The following ADGRL4 variants were observed in gnomAD, a reference collection of about 807,000 sequenced individuals.
ADGRL4 encodes the protein adhesion G protein-coupled receptor L4, also known as EGF, latrophilin and seven transmembrane domain containing 1.
In ADGRL4, 90 loss-of-function variants were observed where a neutral mutation model predicts 74.8. That is an observed-to-expected ratio of 1.20 (90% CI 1.02 to 1.43). The LOEUF (loss-of-function observed/expected upper bound fraction) is 1.43, where lower values mean the gene tolerates loss of function less well. Ranked by LOEUF, ADGRL4 falls within the 40% of genes most tolerant of loss-of-function variation. The pLI is 0.00. For missense variants in ADGRL4, 881 were observed against 814.3 expected (o/e 1.08, Z -1.00); for synonymous variants, 311 against 279.2 (o/e 1.11, Z -1.14).
intron 3 of ADGRL4, among the ~76,000 whole-genome samples, chr1:78,941,938 G>A (rs992551084): frequency 5.9e-5 from 9 of 151,842 alleles, no homozygotes; most frequent in African/African-American, 1.2e-4. Flanking sequence ...AGTGGCTTTC[G>A]CCTGTAATCC....
intron 3 of ADGRL4, among the ~76,000 whole-genome samples, chr1:78,939,495 TA>T (rs954512569): frequency 8.6e-5 from 13 of 151,816 alleles, no homozygotes; most frequent in East Asian, 5.8e-4. Context: ...TTGATTAAAT[TA>T]AAAAAAATAG....
intron 3 of ADGRL4, among the ~76,000 whole-genome samples, chr1:78,945,847 T>C (rs754446596): frequency 5.9e-5 from 9 of 152,180 alleles, no homozygotes; most frequent in Admixed American, 3.9e-4. Flanking sequence ...ATTTTATAAA[T>C]GATGATTGTC....
chr1:78,894,493 C>T (rs937110347), intron 12 of ADGRL4, among the ~76,000 whole-genome samples: 16 of 151,660 alleles, frequency 1.1e-4, no homozygotes, highest in Admixed American at 9.9e-4. Context: ...GTTCCATCCT[C>T]TTTGTATGCT....
At chr1:78,954,222 G>A (rs1649785289) in intron 2 of ADGRL4, among the ~76,000 whole-genome samples, 1 of 152,024 alleles carries the variant, frequency 6.6e-6, no homozygotes, top group African/African-American at 2.4e-5. Flanking sequence ...CTTTAGTTAG[G>A]GTGAGGGTGG....
intron 2 of ADGRL4, 58 bp downstream of exon 2, chr1:79,005,012 G>A: frequency 2.0e-6 from 3 of 1,494,076 alleles, no homozygotes; most frequent in Non-Finnish European, 2.7e-6. Flanking sequence ...CAGAAAAGCA[G>A]TCCCATCAGA....
At chr1:78,988,863 A>T (rs1489403) in intron 2 of ADGRL4, among the ~76,000 whole-genome samples, 106,296 of 151,592 alleles carry the variant, frequency 0.7, 37,295 homozygotes, top group East Asian at 0.77. Flanking sequence ...TGCAAAATGA[A>T]TTTTCTTCCA....
rs1235150699 is a variant in ADGRL4 at position 78,937,961 on chromosome 1, A to G, written c.606T>C (p.Val202=). ...TEFVKTVNNF[V]QRDTFVVWDK... is the part of the protein sequence containing the mutation. ...CCCAAACTACAAATGTATCCCTTTG[A>G]ACAAAATTATTCACGGTTTTTACAA... The change falls in exon 6 of 15, where the codon GTT becomes GTC. Residue 202 remains valine, a synonymous_variant. Transcript: ENST00000370742. The G allele has an allele frequency of 6.2e-7, 1 of 1,611,376 alleles. No individual in the cohort carries two copies. The highest frequency in any genetic ancestry group is 1.7e-5 in the Admixed American group (1 of 59,352).
chr1:78,993,763 C>T (rs150790139), intron 2 of ADGRL4, among the ~76,000 whole-genome samples: 115 of 151,784 alleles, frequency 7.6e-4, no homozygotes, highest in Non-Finnish European at 1.1e-3. Context: ...TTAGTAGAGA[C>T]GGGGTTTCAC....
intron 2 of ADGRL4, among the ~76,000 whole-genome samples, chr1:79,000,778 C>T (rs550120046): frequency 1.1e-4 from 17 of 152,222 alleles, no homozygotes; most frequent in Middle Eastern, 3.4e-3. Context: ...TTAATTTAGA[C>T]TATAATCTCT....
intron 3 of ADGRL4, among the ~76,000 whole-genome samples, chr1:78,941,513 T>C (rs1318009780): frequency 6.6e-6 from 1 of 152,178 alleles, no homozygotes; most frequent in Admixed American, 6.5e-5. Flanking sequence ...AGATGCCTTC[T>C]ATAGGTAACA....
Position 78,909,209 on chromosome 1 carries a change from A to G in ADGRL4, c.1749+8425T>C, listed in dbSNP as rs138447272. Among the ~76,000 whole-genome samples, 80 of 152,138 alleles carry G rather than the reference A, an allele frequency of 5.3e-4. 1 individual carries two copies. The highest frequency in any genetic ancestry group is 1.9e-3 in the African/African-American group (79 of 41,554). ...GATGCCATTATCCATAACATTTAAA[A>G]TTACAATGAGTAGTGTTTCTAATAT... is the stretch of plus-strand genomic sequence containing the variant. On this transcript the variant is annotated intron_variant, in intron 12 of 14. Transcript: ENST00000370742.
intron 2 of ADGRL4, among the ~76,000 whole-genome samples, chr1:78,987,701 T>C (rs1650526356): frequency 6.6e-6 from 1 of 151,742 alleles, no homozygotes; most frequent in Non-Finnish European, 1.5e-5. Context: ...CTGGCAAATA[T>C]TCTTGATTAA....
chr1:78,946,292 C>T lies in ADGRL4; in HGVS notation c.307G>A (p.Asp103Asn). The T allele has an allele frequency of 6.2e-7, 1 of 1,611,898 alleles. No individual in the cohort carries two copies. Among genetic ancestry groups the T allele is most frequent in the South Asian group, 1.1e-5 (1 of 90,664 alleles). The change falls in exon 3 of 15, where the codon GAT becomes AAT. Residue 103 changes from aspartate to asparagine, a missense_variant. Coordinates refer to ENST00000370742, the MANE Select transcript of ADGRL4 (RefSeq NM_022159.4). Reference protein sequence around the residue: ...SSNQDRFITNDGTVCIENVNA... With the variant: ...SSNQDRFITNNGTVCIENVNA... ...AACTTACCTATACAGACGGTTCCAT[C>T]ATTAGTGATAAACCTGTCTTGGTTA...
chr1:79,003,243 A>G lies in ADGRL4; in HGVS notation c.172+1827T>C, dbSNP rs143722681. The stretch of plus-strand genomic sequence containing the variant: ...ATACAGTGTTTTAATTCTAAAGAGC[A>G]TATTAACTATCCTGACTAAAAAAAG... On this transcript the variant is annotated intron_variant, in intron 2 of 14. Coordinates refer to ENST00000370742, the MANE Select transcript of ADGRL4 (RefSeq NM_022159.4). Among the ~76,000 whole-genome samples the G allele has an allele frequency of 1.6e-3, 251 of 152,200 alleles. 1 individual carries two copies. Among genetic ancestry groups the G allele is most frequent in the African/African-American group, 5.8e-3 (242 of 41,580 alleles).
rs190995152 is a variant in ADGRL4, at chr1:78,950,780, G to A, written c.173-4354C>T. On this transcript the variant is annotated intron_variant, in intron 2 of 14. Transcript: ENST00000370742. ...TGAATGGATATTTGAGTTGGCTGAA[G>A]AGAGGGGAGCAGCAAAAATGAAATC... is the stretch of plus-strand genomic sequence containing the variant. Among the ~76,000 whole-genome samples the A allele has an allele frequency of 3.2e-4, 48 of 152,236 alleles. No individual in the cohort carries two copies. In the East Asian group the frequency reaches 7.5e-3, roughly 24 times the overall value.
intron 8 of ADGRL4, among the ~76,000 whole-genome samples, chr1:78,926,578 T>A (rs888864838): frequency 2.6e-5 from 4 of 151,968 alleles, no homozygotes; most frequent in African/African-American, 9.7e-5. Flanking sequence ...GTGATACTTT[T>A]TAATAACTCA....
At chr1:78,923,407 C>T (rs975386603) in intron 8 of ADGRL4, among the ~76,000 whole-genome samples, 4 of 152,008 alleles carry the variant, frequency 2.6e-5, no homozygotes, top group South Asian at 2.1e-4. Flanking sequence ...TACTGACATT[C>T]GGGATCTTCC....
chr1:78,909,137 C>G (rs941830924), intron 12 of ADGRL4, among the ~76,000 whole-genome samples: 2 of 151,762 alleles, frequency 1.3e-5, no homozygotes, highest in African/African-American at 4.8e-5. Flanking sequence ...GAAAGATGCA[C>G]CCAACAAATA....
At chr1:78,990,427 C>T (rs12134068) in intron 2 of ADGRL4, among the ~76,000 whole-genome samples, 17,246 of 151,794 alleles carry the variant, frequency 0.11, 1,021 homozygotes, top group Admixed American at 0.14. Flanking sequence ...ATTGATAAGA[C>T]TTAGGTTTGG....
Sources: gnomAD v4.1 joint callset for allele counts (sites outside exome capture counted in the v4.1 genomes callset) on GRCh38, gnomAD v4.1.1 for gene constraint, MANE v1.5 for transcripts, NCBI Gene and HGNC (gene_info 2026-07-23, HGNC 2026-07-21) for gene names.